SPAG16: variants seen among roughly 807,000 people sequenced by gnomAD.
SPAG16 encodes the protein sperm associated antigen 16.
SPAG16 carries 86 observed loss-of-function variants against 80.4 expected under a neutral mutation model. The observed-to-expected ratio is 1.07, with a 90% CI of 0.90 to 1.28. The LOEUF is 1.28. SPAG16 is among the 50% of genes most tolerant of loss of function. The pLI is 0.00. For synonymous variants in SPAG16, 294 were observed against 265.9 expected (o/e 1.11, Z -1.03); for missense variants, 870 against 765.3 (o/e 1.14, Z -1.61).
intron 15 of SPAG16, among the ~76,000 whole-genome samples, chr2:214,359,200 G>A (rs1299255020): frequency 6.6e-6 from 1 of 151,804 alleles, no homozygotes; most frequent in Non-Finnish European, 1.5e-5. Flanking sequence ...ACAACAACCT[G>A]TGGGTTAAGT....
At chr2:214,347,543 G>C (rs751514345) in intron 15 of SPAG16, among the ~76,000 whole-genome samples, 1 of 152,094 alleles carries the variant, frequency 6.6e-6, no homozygotes. Context: ...TTAAGGTGGC[G>C]CCTCATAGAT....
At chr2:213,355,289 A>T (rs995756533) in intron 7 of SPAG16, among the ~76,000 whole-genome samples, 9 of 152,226 alleles carry the variant, frequency 5.9e-5, no homozygotes, top group Non-Finnish European at 1.2e-4. Context: ...GTTTGAAGTC[A>T]GGTAGCCTGA....
chr2:213,739,057 C>T (rs1411553021), intron 10 of SPAG16, among the ~76,000 whole-genome samples: 2 of 152,208 alleles, frequency 1.3e-5, no homozygotes, highest in African/African-American at 4.8e-5. Flanking sequence ...AATCAATCAT[C>T]TTCTGCTCAT....
intron 13 of SPAG16, among the ~76,000 whole-genome samples, chr2:214,037,388 T>C (rs2048753942): frequency 6.6e-6 from 1 of 152,068 alleles, no homozygotes; most frequent in Admixed American, 6.6e-5. Context: ...TTTTTTGTTA[T>C]TAGAGATTAA....
At chr2:213,389,219 A>C (rs1003944719) in intron 9 of SPAG16, among the ~76,000 whole-genome samples, 3 of 152,168 alleles carry the variant, frequency 2.0e-5, no homozygotes, top group Non-Finnish European at 4.4e-5. Flanking sequence ...CTACATGCAA[A>C]ATAATAAAGT....
intron 1 of SPAG16, among the ~76,000 whole-genome samples, chr2:213,294,801 C>T (rs1452399973): frequency 6.6e-6 from 1 of 152,052 alleles, no homozygotes; most frequent in African/African-American, 2.4e-5. Flanking sequence ...ATTTATGTAG[C>T]ACAGAAAACC....
rs569842340 is a variant in SPAG16 at position 213,682,321 on chromosome 2, G to A, written c.1071-180164G>A. ...CAAACCAGATCATAACCCCCTGGAG[G>A]ATAGGAATTAAGTCAGGTTCTTTTT... is the stretch of plus-strand genomic sequence containing the variant. On this transcript the variant is annotated intron_variant, in intron 10 of 15. Coordinates refer to ENST00000331683, the MANE Select transcript of SPAG16 (RefSeq NM_024532.5). 1.1e-4 allele frequency among the ~76,000 whole-genome samples: 17 copies of A among 152,316 alleles called. No homozygotes were observed. In the East Asian group the frequency reaches 2.5e-3, roughly 22 times the overall value.
At chr2:213,431,812 C>T (rs1451127719) in intron 9 of SPAG16, among the ~76,000 whole-genome samples, 2 of 151,904 alleles carry the variant, frequency 1.3e-5, no homozygotes, top group African/African-American at 2.4e-5. Context: ...TTCTCATCAG[C>T]GCATGCAGCA....
intron 10 of SPAG16, among the ~76,000 whole-genome samples, chr2:213,638,828 G>A (rs1427475733): frequency 2.0e-5 from 3 of 152,206 alleles, no homozygotes; most frequent in Admixed American, 6.5e-5. Flanking sequence ...CCTGTCTAGC[G>A]CTGTCTGTGG....
intron 15 of SPAG16, among the ~76,000 whole-genome samples, chr2:214,269,454 TATGTGTGC>T (rs1245830522): frequency 1.3e-5 from 2 of 152,110 alleles, no homozygotes; most frequent in African/African-American, 4.8e-5. Flanking sequence ...CTAATGTGTG[TATGTGTGC>T]ATGTGTGTGT....
chr2:213,951,031 T>TTG (rs1378543292), intron 12 of SPAG16, among the ~76,000 whole-genome samples: 1 of 151,654 alleles, frequency 6.6e-6, no homozygotes, highest in Non-Finnish European at 1.5e-5. Flanking sequence ...TTTTTTTTTT[T>TTG]TAATAATACA....
chr2:213,922,230 C>A (rs186421829), intron 11 of SPAG16, among the ~76,000 whole-genome samples: 34 of 146,200 alleles, frequency 2.3e-4, no homozygotes, highest in African/African-American at 6.0e-4. Context: ...CTTTTAAATT[C>A]TTTTTTCTTT....
At chr2:213,391,975 T>C (rs1335597805) in intron 9 of SPAG16, among the ~76,000 whole-genome samples, 1 of 152,244 alleles carries the variant, frequency 6.6e-6, no homozygotes, top group African/African-American at 2.4e-5. Flanking sequence ...TCTGTGCTCA[T>C]AAAACCTGTA....
At chr2:213,610,040 G>A (rs1188075000) in intron 10 of SPAG16, among the ~76,000 whole-genome samples, 4 of 151,768 alleles carry the variant, frequency 2.6e-5, no homozygotes, top group Non-Finnish European at 5.9e-5. Flanking sequence ...CTCTCCTACT[G>A]TTGTAATTAT....
chr2:213,832,230 T>C (rs2073709353), intron 10 of SPAG16, among the ~76,000 whole-genome samples: 3 of 152,050 alleles, frequency 2.0e-5, no homozygotes, highest in Admixed American at 1.3e-4. Context: ...ACTCCTGACC[T>C]CGTGATCCAC....
intron 15 of SPAG16, among the ~76,000 whole-genome samples, chr2:214,261,718 C>A (rs1691193815): frequency 6.6e-6 from 1 of 151,934 alleles, no homozygotes; most frequent in Non-Finnish European, 1.5e-5. Flanking sequence ...TTTTTTCTAT[C>A]ATCTTGGATA....
chr2:213,826,700 GAA>G (rs2073325512), intron 10 of SPAG16, among the ~76,000 whole-genome samples: 1 of 151,986 alleles, frequency 6.6e-6, no homozygotes, highest in Non-Finnish European at 1.5e-5. Context: ...GCTGATGAAA[GAA>G]TGTGTATTCT....
At chr2:214,127,964 G>C (rs2054578495) in intron 14 of SPAG16, among the ~76,000 whole-genome samples, 1 of 151,896 alleles carries the variant, frequency 6.6e-6, no homozygotes, top group African/African-American at 2.4e-5. Context: ...GGTTAGAGCA[G>C]CTTGATTAAA....
At position 213,356,570 on chromosome 2, in the gene SPAG16, A is replaced by G. The variant is rs1260285638; in HGVS notation, c.762+5925A>G. Reference sequence around the variant, plus strand: ...ATAGTATTCTCTGATGGTAGTTTGTATTTCTATGGGATCGGTGGGGATATC... The same window carrying G: ...ATAGTATTCTCTGATGGTAGTTTGTGTTTCTATGGGATCGGTGGGGATATC... On this transcript the variant is annotated intron_variant, in intron 7 of 15. Transcript: ENST00000331683. Among the ~76,000 whole-genome samples, 3 of 152,092 alleles carry G rather than the reference A, an allele frequency of 2.0e-5. No individual in the cohort carries two copies. In the East Asian group the frequency reaches 5.8e-4, roughly 29 times the overall value.
Sources: gnomAD v4.1 joint callset for allele counts (sites outside exome capture counted in the v4.1 genomes callset) on GRCh38, gnomAD v4.1.1 for gene constraint, MANE v1.5 for transcripts, NCBI Gene and HGNC (gene_info 2026-07-23, HGNC 2026-07-21) for gene names.